The following PTPRD variants were observed in gnomAD, a reference collection of about 807,000 sequenced individuals.
PTPRD encodes the protein receptor-type tyrosine-protein phosphatase delta.
A neutral mutation model predicts 214.5 loss-of-function variants in PTPRD; 34 were observed. The observed-to-expected ratio is 0.16, with a 90% CI of 0.12 to 0.21. PTPRD has a LOEUF of 0.21. Among genes scored for constraint, PTPRD ranks in the 10% least tolerant of loss-of-function variants. The pLI is 1.00. For synonymous variants in PTPRD, 1,128 were observed against 845.7 expected (o/e 1.33, Z -5.79); for missense variants, 2,545 against 2,398.7 (o/e 1.06, Z -1.27).
At chr9:9,429,767 A>C (rs1180278547) in intron 8 of PTPRD, among the ~76,000 whole-genome samples, 1 of 152,174 alleles carries the variant, frequency 6.6e-6, no homozygotes, top group Non-Finnish European at 1.5e-5. Flanking sequence ...CAATAAACAT[A>C]ATCCATCATA....
intron 9 of PTPRD, among the ~76,000 whole-genome samples, chr9:9,284,122 A>C (rs1188648664): frequency 6.6e-6 from 1 of 151,730 alleles, no homozygotes; most frequent in East Asian, 2.0e-4. Flanking sequence ...GATTAGTCAG[A>C]GGAACTACAT....
intron 44 of PTPRD, among the ~76,000 whole-genome samples, chr9:8,324,563 G>T (rs751310339): frequency 1.3e-5 from 2 of 152,144 alleles, no homozygotes; most frequent in Admixed American, 6.6e-5. Context: ...ATAAACATAT[G>T]TGTGCATGTG....
intron 8 of PTPRD, among the ~76,000 whole-genome samples, chr9:9,458,496 T>A (rs2145745669): frequency 6.6e-6 from 1 of 152,188 alleles, no homozygotes; most frequent in African/African-American, 2.4e-5. Flanking sequence ...TACTTCAAAA[T>A]GTATGAAGTG....
At chr9:8,848,836 T>C (rs893245065) in intron 11 of PTPRD, among the ~76,000 whole-genome samples, 1 of 149,794 alleles carries the variant, frequency 6.7e-6, no homozygotes, top group African/African-American at 2.5e-5. Flanking sequence ...AATCTCTCCA[T>C]GGATCAACCC....
intron 2 of PTPRD, among the ~76,000 whole-genome samples, chr9:10,569,836 G>C (rs1052081136): frequency 6.6e-5 from 10 of 152,004 alleles, no homozygotes; most frequent in African/African-American, 1.9e-4. Flanking sequence ...AATGAGCTTG[G>C]TATATTTGTG....
intron 3 of PTPRD, among the ~76,000 whole-genome samples, chr9:10,215,812 T>A (rs2099538630): frequency 6.6e-6 from 1 of 151,908 alleles, no homozygotes; most frequent in Admixed American, 6.6e-5. Context: ...ATCAACATCC[T>A]TAAAATTAAA....
intron 2 of PTPRD, among the ~76,000 whole-genome samples, chr9:10,445,463 G>C (rs1278137721): frequency 6.6e-6 from 1 of 152,078 alleles, no homozygotes; most frequent in Non-Finnish European, 1.5e-5. Context: ...GAAATGAAAA[G>C]AAAGGAACAC....
At chr9:10,286,273 T>C (rs1180075175) in intron 3 of PTPRD, among the ~76,000 whole-genome samples, 1 of 151,916 alleles carries the variant, frequency 6.6e-6, no homozygotes, top group African/African-American at 2.4e-5. Context: ...AAACCCCGTC[T>C]CTACAAAAAA....
chr9:8,964,360 A>G (rs577234141), intron 11 of PTPRD, among the ~76,000 whole-genome samples: 1 of 151,732 alleles, frequency 6.6e-6, no homozygotes, highest in African/African-American at 2.4e-5. Context: ...TGTTCATAAT[A>G]GTTTCTGAGG....
intron 5 of PTPRD, among the ~76,000 whole-genome samples, chr9:9,832,118 A>C (rs1327073630): frequency 6.6e-6 from 1 of 152,038 alleles, no homozygotes; most frequent in Non-Finnish European, 1.5e-5. Flanking sequence ...TAATCTTGAA[A>C]AATGCATAAG....
At chr9:8,956,390 AT>A (rs1567226636) in intron 11 of PTPRD, among the ~76,000 whole-genome samples, 1 of 151,884 alleles carries the variant, frequency 6.6e-6, no homozygotes, top group Non-Finnish European at 1.5e-5. Flanking sequence ...GATGACTATA[AT>A]TTTACATTGT....
intron 7 of PTPRD, among the ~76,000 whole-genome samples, chr9:9,586,516 C>A (rs1238486109): frequency 2.6e-5 from 4 of 151,826 alleles, no homozygotes; most frequent in Non-Finnish European, 5.9e-5. Context: ...CAATATGAAA[C>A]CTATACAAAC....
At chr9:8,499,023 AG>A (rs2097338432) in intron 25 of PTPRD, among the ~76,000 whole-genome samples, 1 of 150,974 alleles carries the variant, frequency 6.6e-6, no homozygotes, top group Non-Finnish European at 1.5e-5. Flanking sequence ...ACTCATTTTT[AG>A]TACCTTTTTT....
rs77682484 is a variant in PTPRD, at chr9:10,546,389, A to G, written c.-600+66009T>C. ...TATGCAAAAGAGAGAAGAAAATGAG[A>G]AAGAAGAAAGGTAATTTTCTGAAAA... is the stretch of plus-strand genomic sequence containing the variant. On this transcript the variant is annotated intron_variant, in intron 2 of 45. Coordinates refer to ENST00000381196, the MANE Select transcript of PTPRD (RefSeq NM_002839.4). Among the ~76,000 whole-genome samples, 10 of 152,218 alleles carry G rather than the reference A, an allele frequency of 6.6e-5. No homozygotes were observed. The East Asian group carries it at 1.9e-3, about 29-fold the overall frequency.
chr9:9,306,244 C>T (rs888843647), intron 9 of PTPRD, among the ~76,000 whole-genome samples: 3 of 151,908 alleles, frequency 2.0e-5, no homozygotes, highest in Non-Finnish European at 2.9e-5. Context: ...GATTTAACCA[C>T]ATGTACATAT....
rs1489237167 is a variant in PTPRD, at chr9:9,331,903, G to C, written c.-203+65546C>G. The stretch of plus-strand genomic sequence containing the variant: ...GATATGCCCAACATAGCAAATTCTG[G>C]GGAAACTGGAGGGGAAGTTTGGGGA... On this transcript the variant is annotated intron_variant, in intron 9 of 45. Transcript: ENST00000381196. Among the ~76,000 whole-genome samples, 3 of 151,984 alleles carry C rather than the reference G, an allele frequency of 2.0e-5. No individual in the cohort carries two copies. The Admixed American group carries it at 2.0e-4, about 10-fold the overall frequency.
intron 2 of PTPRD, among the ~76,000 whole-genome samples, chr9:10,482,523 C>T (rs569410787): frequency 6.6e-6 from 1 of 151,950 alleles, no homozygotes; most frequent in African/African-American, 2.4e-5. Context: ...TTAGAAAACC[C>T]TAAAAGACCC....
intron 7 of PTPRD, among the ~76,000 whole-genome samples, chr9:9,707,218 G>GAA (rs1408490780): frequency 2.6e-5 from 4 of 152,048 alleles, no homozygotes; most frequent in Non-Finnish European, 5.9e-5. Context: ...GGTATATTCT[G>GAA]AAAATTATAA....
chr9:9,224,124 T>G (rs1301532673), intron 9 of PTPRD, among the ~76,000 whole-genome samples: 4 of 151,960 alleles, frequency 2.6e-5, no homozygotes, highest in Admixed American at 2.0e-4. Flanking sequence ...TTCCTCAAGA[T>G]TCTTACAAAT....
Sources: allele counts gnomAD v4.1 joint callset (sites outside exome capture counted in the v4.1 genomes callset), GRCh38; gene constraint gnomAD v4.1.1; transcripts MANE v1.5; gene names NCBI Gene and HGNC (gene_info 2026-07-23, HGNC 2026-07-21).